Variants in ADAMTSL3 observed in about 807,000 individuals in gnomAD.
ADAMTSL3 encodes ADAMTS like 3.
ADAMTSL3 carries 128 observed loss-of-function variants against 201.7 expected under a neutral mutation model. The ratio of observed to expected loss-of-function variants is 0.63; its 90% CI spans 0.55 to 0.73. ADAMTSL3 has a LOEUF of 0.73. ADAMTSL3 is among the 30% of genes least tolerant of loss of function. The probability of loss-of-function intolerance (pLI) is 0.00; values close to 1 mark genes in which losing one functional copy is unlikely to be tolerated. For missense variants in ADAMTSL3, 1,990 were observed against 2,119.6 expected, an observed-to-expected ratio of 0.94 and a Z score of 1.20; for synonymous variants, 738 against 748.4, an observed-to-expected ratio of 0.99 and a Z score of 0.23.
intron 3 of ADAMTSL3, among the ~76,000 whole-genome samples, chr15:83,759,070 G>A (rs2062766330): frequency 6.6e-6 from 1 of 152,072 alleles, no homozygotes; most frequent in African/African-American, 2.4e-5. Context: ...TGCTTTCACT[G>A]CTCGAACATC....
chr15:83,913,413 G>T (rs1411730066), intron 16 of ADAMTSL3, 35 bp downstream of exon 16: 14 of 1,597,500 alleles, frequency 8.8e-6, no homozygotes, highest in Non-Finnish European at 1.2e-5. Context: ...CAGTTATGTT[G>T]TGTGTTGCTA....
intron 6 of ADAMTSL3, among the ~76,000 whole-genome samples, chr15:83,837,259 T>C (rs1057460880): frequency 6.6e-6 from 1 of 150,814 alleles, no homozygotes; most frequent in Non-Finnish European, 1.5e-5. Context: ...CAAGGAGATA[T>C]AAAGATATAG....
At chr15:83,914,558 G>A (rs747667963) in intron 16 of ADAMTSL3, among the ~76,000 whole-genome samples, 13 of 152,182 alleles carry the variant, frequency 8.5e-5, no homozygotes, top group East Asian at 7.7e-4. Context: ...ACTGCCTTGC[G>A]GACAGAGTTG....
Position 83,983,284 on chromosome 15 carries a change from C to T in ADAMTSL3, c.3656C>T (p.Thr1219Ile). The T allele has an allele frequency of 1.2e-6, 2 of 1,602,042 alleles. No homozygotes were observed. Among genetic ancestry groups the T allele is most frequent in the Admixed American group, 1.7e-5 (1 of 58,392 alleles). The change falls in exon 21 of 30, where the codon ACC (threonine) becomes ATC (isoleucine). Residue 1219 changes from threonine (T) to isoleucine (I), a missense_variant. By Grantham distance (89) the Thr-to-Ile change is moderately conservative. Transcript: ENST00000286744. Reference protein sequence around the residue: ...EVINILCDLITPSEATYTWTK... With the variant: ...EVINILCDLIIPSEATYTWTK... ...ATCAATATACTGTGTGACCTTATTA[C>T]CCCCAGTGAGGCCACATATACATGG...
At chr15:83,948,948 A>ACATTTTGT (rs2066709565) in intron 19 of ADAMTSL3, among the ~76,000 whole-genome samples, 1 of 152,178 alleles carries the variant, frequency 6.6e-6, no homozygotes, top group Non-Finnish European at 1.5e-5. Context: ...GCAATGTGTA[A>ACATTTTGT]GAATCACAAA....
Position 84,021,450 on chromosome 15 carries a change from C to T in ADAMTSL3, c.4314C>T (p.Ala1438=). 4 of 1,614,114 alleles carry T rather than the reference C, an allele frequency of 2.5e-6. No homozygotes were observed. The highest frequency in any genetic ancestry group is 3.4e-6 in the Non-Finnish European group (4 of 1,180,030). Residue 1438 remains alanine (A), a synonymous_variant, in exon 26 of 30, where the codon GCC becomes GCT. Transcript: ENST00000286744. ...WEPGNWSHCS[A]TCGHLGARIQ... is the part of the protein sequence containing the mutation. ...CTGGTAACTGGTCACATTGTTCTGC[C>T]ACCTGTGGTCATTTGGGAGCCCGCA...
rs1176590739 is a variant in ADAMTSL3 at position 83,773,596 on chromosome 15, C to T, written c.263C>T (p.Ser88Phe). 5 of 1,613,428 alleles carry T rather than the reference C, an allele frequency of 3.1e-6. No individual in the cohort carries two copies. In the South Asian group the frequency reaches 3.3e-5, roughly 11 times the overall value. ...WDAWGDWSDC[S>F]RTCGGGASYS... ...GCTTGGGGCGACTGGAGTGACTGCT[C>T]CCGGACCTGTGGGGGAGGAGCATCA... The change falls in exon 4 of 30, where the codon TCC becomes TTC. Residue 88 changes from serine (S) to phenylalanine (F), a missense_variant. Ser to Phe is a radical substitution (Grantham distance 155, BLOSUM62 -2). Coordinates refer to ENST00000286744, the MANE Select transcript of ADAMTSL3 (RefSeq NM_207517.3).
chr15:83,659,569 C>G (rs1370834499), intron 2 of ADAMTSL3, among the ~76,000 whole-genome samples: 1 of 152,064 alleles, frequency 6.6e-6, no homozygotes, highest in African/African-American at 2.4e-5. Context: ...GGTGGAGCTC[C>G]CAGGCTGACA....
At chr15:83,993,799 C>T (rs542086568) in intron 23 of ADAMTSL3, among the ~76,000 whole-genome samples, 74 of 152,218 alleles carry the variant, frequency 4.9e-4, no homozygotes, top group Non-Finnish European at 8.1e-4. Context: ...TAATTTAAAG[C>T]GCACCTTTTT....
intron 22 of ADAMTSL3, among the ~76,000 whole-genome samples, chr15:83,989,590 AAAG>A: frequency 6.6e-6 from 1 of 152,262 alleles, no homozygotes; most frequent in East Asian, 1.9e-4. Context: ...TTGTAACTAT[AAAG>A]TAGTGTGAGT....
At chr15:83,962,995 C>A (rs955800129) in intron 19 of ADAMTSL3, among the ~76,000 whole-genome samples, 1 of 152,334 alleles carries the variant, frequency 6.6e-6, no homozygotes, top group Non-Finnish European at 1.5e-5. Context: ...CCAGGTACTA[C>A]ACTTTTCCCA....
Position 83,870,869 on chromosome 15 carries a change from C to T in ADAMTSL3, c.870C>T (p.Leu290=), listed in dbSNP as rs143597327. 4.9e-5 allele frequency: 79 copies of T among 1,612,960 alleles called. No individual in the cohort carries two copies. Among genetic ancestry groups the T allele is most frequent in the African/African-American group, 2.4e-4 (18 of 74,866 alleles). ...GCTTTAACAGCCCCGGCGTCTTTCT[C>T]GTAGAAAACACAACAGTGGAATTTC... ...EHSFNSPGVF[L]VENTTVEFQR... Residue 290 remains leucine (L), a synonymous_variant, in exon 9 of 30, where the codon CTC becomes CTT. Transcript: ENST00000286744.
chr15:83,850,877 T>C (rs2141742008), intron 7 of ADAMTSL3, among the ~76,000 whole-genome samples: 1 of 152,344 alleles, frequency 6.6e-6, no homozygotes, highest in South Asian at 2.1e-4. Context: ...GAAGAAATGC[T>C]GAAAAGTTTG....
chr15:83,679,635 C>G (rs1226539285), intron 2 of ADAMTSL3, among the ~76,000 whole-genome samples: 1 of 152,060 alleles, frequency 6.6e-6, no homozygotes, highest in Non-Finnish European at 1.5e-5. Context: ...GTTCTCAAAC[C>G]TTTTGTATTG....
rs565119877 is a variant in ADAMTSL3 at position 83,804,337 on chromosome 15, A to T, written c.318-313A>T. On this transcript the variant is annotated intron_variant, in intron 4 of 29. Transcript: ENST00000286744. Reference sequence around the variant, plus strand: ...ATTATAGAAAAGAATACACATATGCACACATGAGACACACACATATTGTAC... The same window carrying T: ...ATTATAGAAAAGAATACACATATGCTCACATGAGACACACACATATTGTAC... Among the ~76,000 whole-genome samples the T allele has an allele frequency of 2.6e-5, 4 of 152,294 alleles. No individual in the cohort carries two copies. The East Asian group carries it at 7.7e-4, about 29-fold the overall frequency.
At chr15:83,741,441 A>G (rs1017324014) in intron 3 of ADAMTSL3, among the ~76,000 whole-genome samples, 29 of 152,092 alleles carry the variant, frequency 1.9e-4, no homozygotes, top group African/African-American at 7.0e-4. Flanking sequence ...ATAGAACACT[A>G]CTAAATTTTT....
At chr15:83,985,147 A>G (rs2141819824) in intron 21 of ADAMTSL3, among the ~76,000 whole-genome samples, 1 of 152,232 alleles carries the variant, frequency 6.6e-6, no homozygotes, top group African/African-American at 2.4e-5. Context: ...TGGCTCACTG[A>G]GTGATACAGG....
intron 15 of ADAMTSL3, among the ~76,000 whole-genome samples, chr15:83,903,928 A>AGGGAGGGAGGGATGGAGGGAGG (rs1567226013): frequency 1.6e-5 from 1 of 63,646 alleles, no homozygotes; most frequent in Non-Finnish European, 2.9e-5. Flanking sequence ...AAAAAAAAAA[A>AGGGAGGGAGGGATGGAGGGAGG]AAAAAAAAAA....
chr15:83,831,596 A>T (rs921127725), intron 6 of ADAMTSL3, among the ~76,000 whole-genome samples: 1 of 152,114 alleles, frequency 6.6e-6, no homozygotes, highest in African/African-American at 2.4e-5. Context: ...TGGTGCTATC[A>T]TGGCTCATTG....
Sources: gnomAD v4.1 joint callset for allele counts (sites outside exome capture counted in the v4.1 genomes callset) on GRCh38, gnomAD v4.1.1 for gene constraint, MANE v1.5 for transcripts, NCBI Gene and HGNC (gene_info 2026-07-23, HGNC 2026-07-21) for gene names.